CEP192: variants seen among roughly 807,000 people sequenced by gnomAD.
CEP192 encodes the protein centrosomal protein 192.
A neutral mutation model predicts 271.8 loss-of-function variants in CEP192; 151 were observed. The observed-to-expected ratio is 0.56, with a 90% CI of 0.49 to 0.64. CEP192 has a LOEUF of 0.64. Ranked by LOEUF, CEP192 falls within the 30% of genes least tolerant of loss-of-function variation. The pLI, the probability that CEP192 is intolerant of heterozygous loss-of-function variation, is 0.00. For missense variants in CEP192, 2,910 were observed against 3,020.5 expected, an observed-to-expected ratio of 0.96 and a Z score of 0.86; for synonymous variants, 995 against 1,076.5, an observed-to-expected ratio of 0.92 and a Z score of 1.48.
intron 21 of CEP192, among the ~76,000 whole-genome samples, chr18:13,063,752 T>C (rs748779210): frequency 6.6e-6 from 1 of 152,118 alleles, no homozygotes; most frequent in Non-Finnish European, 1.5e-5. Flanking sequence ...TTTGTTTTGG[T>C]TGCCTTCGTT....
chr18:13,075,459 G>A (rs1200212653), intron 30 of CEP192, among the ~76,000 whole-genome samples: 1 of 152,096 alleles, frequency 6.6e-6, no homozygotes, highest in Non-Finnish European at 1.5e-5. Context: ...CCAGCTACTC[G>A]GGAGGCTGAG....
intron 34 of CEP192, 70 bp downstream of exon 34, chr18:13,092,597 T>C (rs1432386202): frequency 9.3e-7 from 1 of 1,075,824 alleles, no homozygotes; most frequent in Admixed American, 2.6e-5. Context: ...GCTGATCTTT[T>C]TTCCTGTACT....
chr18:13,107,155 G>A (rs1025755238), intron 40 of CEP192, among the ~76,000 whole-genome samples: 1 of 152,148 alleles, frequency 6.6e-6, no homozygotes, highest in African/African-American at 2.4e-5. Context: ...TAAACTAAGC[G>A]AGCATTTTGC....
At chr18:13,023,122 A>C (rs1436887385) in intron 9 of CEP192, among the ~76,000 whole-genome samples, 1 of 152,208 alleles carries the variant, frequency 6.6e-6, no homozygotes, top group Non-Finnish European at 1.5e-5. Context: ...CTACAAACAA[A>C]GACAGTTTTT....
intron 3 of CEP192, among the ~76,000 whole-genome samples, chr18:13,002,550 G>A (rs999814020): frequency 6.6e-6 from 1 of 152,138 alleles, no homozygotes; most frequent in Non-Finnish European, 1.5e-5. Flanking sequence ...GGTAAAAATA[G>A]TTTATTTTAA....
chr18:13,060,065 C>T (rs983764853), intron 21 of CEP192, among the ~76,000 whole-genome samples: 1 of 152,134 alleles, frequency 6.6e-6, no homozygotes, highest in African/African-American at 2.4e-5. Context: ...TGATACAGTC[C>T]TGAGTCGCTT....
intron 38 of CEP192, among the ~76,000 whole-genome samples, chr18:13,101,939 G>A (rs2039727430): frequency 6.6e-6 from 1 of 152,064 alleles, no homozygotes; most frequent in Non-Finnish European, 1.5e-5. Context: ...ACTGCCGGGT[G>A]TTCCTCTCCC....
In CEP192 at chr18:13,073,087, A is replaced by G; in HGVS notation, c.5518A>G (p.Ile1840Val). 1 of 1,613,832 alleles carries G rather than the reference A, an allele frequency of 6.2e-7. No individual in the cohort carries two copies. ...AATTCACCCAAAGGAAGACATTTTC[A>G]TCTCTGTATTATTTGCACCTACTCG... ...IRIHPKEDIF[I>V]SVLFAPTRLS... The change falls in exon 30 of 45, where the codon ATC becomes GTC. Residue 1840 changes from isoleucine to valine, a missense_variant. Ile to Val is a conservative substitution (Grantham distance 29, BLOSUM62 3). Transcript: ENST00000506447.
At chr18:13,046,797 G>A (rs2143926175) in intron 15 of CEP192, among the ~76,000 whole-genome samples, 1 of 148,436 alleles carries the variant, frequency 6.7e-6, no homozygotes, top group East Asian at 2.0e-4. Context: ...TCTTTCATCT[G>A]AGATTAGTTT....
chr18:13,069,136 A>C lies in CEP192; in HGVS notation c.5010A>C (p.Leu1670Phe), dbSNP rs371903928. Residue 1670 changes from leucine to phenylalanine, a missense_variant, in exon 26 of 45, where the codon TTA becomes TTC. Transcript: ENST00000506447. ...AKVASSRKQH[L>F]PLKNAGNIEV... ...TGGCTTCCTCAAGAAAGCAGCACTT[A>C]CCTTTGAAAAATGCTGGGAACATTG... The C allele has an allele frequency of 4.3e-6, 7 of 1,614,058 alleles. No individual in the cohort carries two copies. In the African/African-American group the frequency reaches 9.3e-5, roughly 22 times the overall value.
intron 30 of CEP192, among the ~76,000 whole-genome samples, chr18:13,078,524 G>A (rs916517329): frequency 6.6e-6 from 1 of 152,030 alleles, no homozygotes; most frequent in Non-Finnish European, 1.5e-5. Context: ...TTCCACAATG[G>A]TTGAACTAAT....
intron 30 of CEP192, among the ~76,000 whole-genome samples, chr18:13,076,845 G>A (rs1218787722): frequency 6.6e-6 from 1 of 151,836 alleles, no homozygotes; most frequent in South Asian, 2.1e-4. Context: ...GTGCAGTGGC[G>A]TGATCTCGGC....
chr18:13,109,277 A>G (rs781717887), intron 40 of CEP192, among the ~76,000 whole-genome samples: 9 of 152,224 alleles, frequency 5.9e-5, no homozygotes, highest in Non-Finnish European at 1.2e-4. Context: ...ATTATCCTAA[A>G]TGAATTAACA....
intron 18 of CEP192, among the ~76,000 whole-genome samples, chr18:13,053,606 C>A (rs954421747): frequency 3.9e-5 from 6 of 152,112 alleles, no homozygotes; most frequent in African/African-American, 1.4e-4. Context: ...AGAGGGGGGA[C>A]CAAACCGGGA....
Position 13,087,214 on chromosome 18 carries a change from G to A in CEP192, c.5814G>A (p.Leu1938=). 1 of 1,613,616 alleles carries A rather than the reference G, an allele frequency of 6.2e-7. No homozygotes were observed. The highest frequency in any genetic ancestry group is 8.5e-7 in the Non-Finnish European group (1 of 1,179,584). Reference sequence around the variant, plus strand: ...TTAAGGATTCTCAGAAAAAAGTTTTGCTGGATCCTAAAGTATTGAGGATTT... The same window carrying A: ...TTAAGGATTCTCAGAAAAAAGTTTTACTGGATCCTAAAGTATTGAGGATTT... ...VGFKDSQKKV[L]LDPKVLRIFP... Residue 1938 remains leucine (L), a synonymous_variant, in exon 31 of 45, where the codon TTG becomes TTA. Transcript: ENST00000506447.
At chr18:13,003,212 CCTAAGGCAGGTA>C (rs2033758160) in intron 3 of CEP192, among the ~76,000 whole-genome samples, 1 of 151,994 alleles carries the variant, frequency 6.6e-6, no homozygotes, top group South Asian at 2.1e-4. Flanking sequence ...ACTTTGGAAG[CCTAAGGCAGGTA>C]GATCGCCTGA....
chr18:13,083,481 T>C (rs2038734168), intron 30 of CEP192, among the ~76,000 whole-genome samples: 1 of 152,248 alleles, frequency 6.6e-6, no homozygotes, highest in South Asian at 2.1e-4. Flanking sequence ...ATTTGTGGTC[T>C]TCTCTGTGAT....
In CEP192 at chr18:13,021,987, G is replaced by A. The variant is rs188182088; in HGVS notation, c.1050+2781G>A. On this transcript the variant is annotated intron_variant, in intron 9 of 44. Transcript: ENST00000506447. ...GATTTTTCTCCATTGTTATCTTCTA[G>A]GAGTTTTATAGTTTTGCATTTTACA... is the stretch of plus-strand genomic sequence containing the variant. Among the ~76,000 whole-genome samples, 165 of 152,222 alleles carry A rather than the reference G, an allele frequency of 1.1e-3. 1 individual carries two copies. Among genetic ancestry groups the A allele is most frequent in the Middle Eastern group, 6.8e-3 (2 of 294 alleles).
rs981954397 is a variant in CEP192 at position 13,095,695 on chromosome 18, C to T, written c.6433+14C>T. ...CTCCTTCTCCTTGTGAGTATGTCAA[C>T]TGTGACACCTCAGAGGTGTGTTCCG... On this transcript the variant is annotated intron_variant, in intron 35 of 44. Coordinates refer to ENST00000506447, the MANE Select transcript of CEP192 (RefSeq NM_032142.4). The T allele has an allele frequency of 1.2e-6, 2 of 1,610,082 alleles. No individual in the cohort carries two copies. Among genetic ancestry groups the T allele is most frequent in the Non-Finnish European group, 1.7e-6 (2 of 1,177,888 alleles).
Sources: gnomAD v4.1 joint callset for allele counts (sites outside exome capture counted in the v4.1 genomes callset) on GRCh38, gnomAD v4.1.1 for gene constraint, MANE v1.5 for transcripts, NCBI Gene and HGNC (gene_info 2026-07-23, HGNC 2026-07-21) for gene names.